The following APBA2 variants were observed in gnomAD, a reference collection of about 807,000 sequenced individuals.
APBA2 encodes amyloid-beta A4 precursor protein-binding family A member 2.
In APBA2, 30 loss-of-function variants were observed where a neutral mutation model predicts 75.0. The observed-to-expected ratio is 0.40, with a 90% CI of 0.30 to 0.54. The LOEUF (loss-of-function observed/expected upper bound fraction) is 0.54. Among genes scored for constraint, APBA2 ranks in the 20% least tolerant of loss-of-function variants. The pLI is 0.49. For synonymous variants in APBA2, 444 were observed against 409.6 expected, an observed-to-expected ratio of 1.08 and a Z score of -1.01; for missense variants, 801 against 1,016.1, an observed-to-expected ratio of 0.79 and a Z score of 2.88.
At chr15:28,926,929 T>C (rs2034298779) in intron 2 of APBA2, among the ~76,000 whole-genome samples, 1 of 149,938 alleles carries the variant, frequency 6.7e-6, no homozygotes, top group Admixed American at 6.7e-5. Flanking sequence ...CTATCTCGGC[T>C]CACTGCAAGC....
intron 1 of APBA2, among the ~76,000 whole-genome samples, chr15:28,898,832 AT>A (rs2032669742): frequency 6.6e-6 from 1 of 152,196 alleles, no homozygotes. Flanking sequence ...AGATAATTAG[AT>A]TTTGCCATTA....
chr15:29,005,980 A>T (rs554912876), intron 3 of APBA2, among the ~76,000 whole-genome samples: 1 of 152,236 alleles, frequency 6.6e-6, no homozygotes, highest in Non-Finnish European at 1.5e-5. Flanking sequence ...CAGCATACCC[A>T]GTGGTGAAAA....
At chr15:29,061,677 G>A (rs1160908866) in intron 4 of APBA2, among the ~76,000 whole-genome samples, 1 of 152,246 alleles carries the variant, frequency 6.6e-6, no homozygotes, top group Non-Finnish European at 1.5e-5. Context: ...GTAGAGGCTT[G>A]CTTTTTGAAG....
chr15:28,911,420 AG>A (rs1849048980), intron 1 of APBA2, among the ~76,000 whole-genome samples: 1 of 152,218 alleles, frequency 6.6e-6, no homozygotes, highest in Admixed American at 6.5e-5. Context: ...TGGTTTGCAC[AG>A]GGTGAACGAG....
chr15:29,042,823 G>A (rs554375896), intron 3 of APBA2, among the ~76,000 whole-genome samples: 6 of 152,174 alleles, frequency 3.9e-5, no homozygotes, highest in Admixed American at 3.3e-4. Context: ...TCTGGTAGAG[G>A]GTGTATTTAG....
intron 5 of APBA2, among the ~76,000 whole-genome samples, chr15:29,075,467 C>T (rs1279176377): frequency 6.6e-6 from 1 of 152,082 alleles, no homozygotes; most frequent in Non-Finnish European, 1.5e-5. Context: ...CTTGTACCTA[C>T]CCCATCCCCA....
At chr15:28,911,166 G>T (rs1456556669) in intron 1 of APBA2, among the ~76,000 whole-genome samples, 2 of 152,122 alleles carry the variant, frequency 1.3e-5, no homozygotes, top group East Asian at 3.9e-4. Flanking sequence ...TTCTCTTCGT[G>T]GATTCTGCAT....
chr15:29,104,032 G>C (rs80215108), intron 10 of APBA2, among the ~76,000 whole-genome samples: 2,887 of 152,370 alleles, frequency 0.019, 60 homozygotes, highest in African/African-American at 0.049. Context: ...GCCCGTCAGG[G>C]AGGGCAGTTC....
intron 6 of APBA2, among the ~76,000 whole-genome samples, chr15:29,081,690 T>G: frequency 6.6e-6 from 1 of 152,314 alleles, no homozygotes; most frequent in Non-Finnish European, 1.5e-5. Flanking sequence ...GTACTTAGCT[T>G]TTTCCTTTCT....
chr15:29,044,122 T>C (rs2041186375), intron 3 of APBA2, among the ~76,000 whole-genome samples: 1 of 152,244 alleles, frequency 6.6e-6, no homozygotes, highest in South Asian at 2.1e-4. Context: ...ATTTGTATGA[T>C]ACGTTTTCAC....
intron 3 of APBA2, among the ~76,000 whole-genome samples, chr15:29,006,243 G>C (rs1356819149): frequency 6.6e-6 from 1 of 152,150 alleles, no homozygotes; most frequent in Non-Finnish European, 1.5e-5. Context: ...CATGAATTCA[G>C]TAAAGTTGCA....
intron 1 of APBA2, among the ~76,000 whole-genome samples, chr15:28,908,494 T>C (rs910295560): frequency 1.3e-5 from 2 of 152,000 alleles, no homozygotes; most frequent in African/African-American, 4.8e-5. Flanking sequence ...GTATTTTTAG[T>C]GGAGATGGGG....
Position 29,104,664 on chromosome 15 carries a change from C to G in APBA2, c.1525-715C>G, listed in dbSNP as rs952074444. Among the ~76,000 whole-genome samples the G allele has an allele frequency of 2.6e-5, 4 of 152,352 alleles. No homozygotes were observed. The South Asian group carries it at 6.2e-4, about 24-fold the overall frequency. The stretch of plus-strand genomic sequence containing the variant: ...CCCTAGAAGAGCAGCCAGGCACACC[C>G]TCTGCCTCCAGTGGGCACTGGGTTC... On this transcript the variant is annotated intron_variant, in intron 10 of 14. Coordinates refer to ENST00000683413, the MANE Select transcript of APBA2 (RefSeq NM_001353788.2).
intron 1 of APBA2, among the ~76,000 whole-genome samples, chr15:28,910,239 G>A (rs2033366138): frequency 6.6e-6 from 1 of 152,178 alleles, no homozygotes; most frequent in Non-Finnish European, 1.5e-5. Flanking sequence ...GTACAGCAAA[G>A]GACTGACCAT....
intron 6 of APBA2, among the ~76,000 whole-genome samples, chr15:29,091,064 A>G (rs1284829506): frequency 6.6e-6 from 1 of 152,118 alleles, no homozygotes; most frequent in Non-Finnish European, 1.5e-5. Context: ...TCCTGGTGAC[A>G]GGAGAATCCC....
chr15:28,935,436 G>A (rs80258060), intron 2 of APBA2, among the ~76,000 whole-genome samples: 7,969 of 152,306 alleles, frequency 0.052, 550 homozygotes, highest in East Asian at 0.34. Context: ...TGCCGCTGCT[G>A]TCTGGGCCTC....
chr15:29,100,426 C>T (rs1338684580), intron 9 of APBA2, among the ~76,000 whole-genome samples: 3 of 152,188 alleles, frequency 2.0e-5, no homozygotes, highest in Admixed American at 6.5e-5. Flanking sequence ...CAGAAACACT[C>T]GAGTTTCTTT....
At chr15:28,958,646 G>A (rs2152733870) in intron 2 of APBA2, among the ~76,000 whole-genome samples, 1 of 152,258 alleles carries the variant, frequency 6.6e-6, no homozygotes, top group African/African-American at 2.4e-5. Context: ...GGGCAGGGAG[G>A]TAATGAGAAC....
chr15:28,957,769 C>G, intron 2 of APBA2, among the ~76,000 whole-genome samples: 1 of 152,094 alleles, frequency 6.6e-6, no homozygotes, highest in South Asian at 2.1e-4. Flanking sequence ...GCATCAGGTT[C>G]GGGGTGATGG....
Sources: allele counts gnomAD v4.1 joint callset (sites outside exome capture counted in the v4.1 genomes callset), GRCh38; gene constraint gnomAD v4.1.1; transcripts MANE v1.5; gene names NCBI Gene and HGNC (gene_info 2026-07-23, HGNC 2026-07-21).